LRP1B: variants seen among roughly 807,000 people sequenced by gnomAD.
LRP1B encodes low-density lipoprotein receptor-related protein 1B.
In LRP1B, 217 loss-of-function variants were observed where a neutral mutation model predicts 556.6. That is an observed-to-expected ratio of 0.39 (90% CI 0.35 to 0.44). The LOEUF (loss-of-function observed/expected upper bound fraction) is 0.44. LRP1B is among the 20% of genes least tolerant of loss of function. LRP1B has a pLI of 1.00. For missense variants in LRP1B, 5,053 were observed against 5,620.8 expected, an observed-to-expected ratio of 0.90 and a Z score of 3.23; for synonymous variants, 2,047 against 1,865.8, an observed-to-expected ratio of 1.10 and a Z score of -2.50.
chr2:140,897,925 GTC>G (rs969692431), intron 23 of LRP1B, among the ~76,000 whole-genome samples: 67 of 152,264 alleles, frequency 4.4e-4, no homozygotes, highest in African/African-American at 1.5e-3. Context: ...GATTGTGTGA[GTC>G]TGTTCTCCTA....
intron 2 of LRP1B, among the ~76,000 whole-genome samples, chr2:141,576,916 C>T (rs1453944877): frequency 1.3e-5 from 2 of 151,426 alleles, no homozygotes; most frequent in Middle Eastern, 3.2e-3. Flanking sequence ...TCTCTGCCTC[C>T]CAGAGTGCTG....
chr2:142,037,506 G>A (rs1703920295), intron 1 of LRP1B, among the ~76,000 whole-genome samples: 1 of 151,542 alleles, frequency 6.6e-6, no homozygotes, highest in South Asian at 2.1e-4. Flanking sequence ...ACAAAGCCTG[G>A]AAGAGTAAAA....
intron 2 of LRP1B, among the ~76,000 whole-genome samples, chr2:141,605,062 C>G (rs1687866059): frequency 1.3e-5 from 2 of 151,914 alleles, no homozygotes; most frequent in Non-Finnish European, 2.9e-5. Context: ...ACGTTGCCAG[C>G]CAGAGGTTCC....
At chr2:140,547,201 T>G (rs1680373652) in intron 43 of LRP1B, among the ~76,000 whole-genome samples, 1 of 152,096 alleles carries the variant, frequency 6.6e-6, no homozygotes, top group South Asian at 2.1e-4. Flanking sequence ...TCCTCCTCAA[T>G]TTTTTTGTAC....
intron 68 of LRP1B, among the ~76,000 whole-genome samples, chr2:140,377,786 T>C (rs1463883414): frequency 6.6e-6 from 1 of 152,202 alleles, no homozygotes; most frequent in Non-Finnish European, 1.5e-5. Flanking sequence ...TAAGACTATA[T>C]CTATTGAAGA....
intron 3 of LRP1B, among the ~76,000 whole-genome samples, chr2:141,391,255 C>T (rs1230221118): frequency 1.3e-5 from 2 of 152,060 alleles, no homozygotes; most frequent in African/African-American, 4.8e-5. Flanking sequence ...AGCCTAGTAC[C>T]TTCTACAGTG....
chr2:140,269,333 A>C (rs759646134), intron 86 of LRP1B: 1 of 470,994 alleles, frequency 2.1e-6, no homozygotes, highest in South Asian at 1.5e-5. Context: ...AGTGATCACA[A>C]GGGTTCTCTT....
intron 29 of LRP1B, among the ~76,000 whole-genome samples, chr2:140,849,590 A>G (rs894229515): frequency 1.3e-5 from 2 of 151,816 alleles, no homozygotes; most frequent in Admixed American, 6.6e-5. Flanking sequence ...CCCATGCTGG[A>G]GCACAATGAC....
chr2:141,182,480 T>A (rs1403055383), intron 7 of LRP1B, among the ~76,000 whole-genome samples: 2 of 151,946 alleles, frequency 1.3e-5, no homozygotes, highest in Admixed American at 1.3e-4. Context: ...AGAACCTAGG[T>A]TGTTTCAAAT....
intron 87 of LRP1B, among the ~76,000 whole-genome samples, chr2:140,243,836 G>A (rs1281149082): frequency 6.6e-6 from 1 of 150,952 alleles, no homozygotes; most frequent in Admixed American, 6.6e-5. Context: ...CTTTATTCTT[G>A]TACCTTGAGC....
chr2:140,774,932 T>C (rs1405396465), intron 33 of LRP1B, among the ~76,000 whole-genome samples: 3 of 152,298 alleles, frequency 2.0e-5, no homozygotes, highest in East Asian at 3.9e-4. Context: ...CTCAGGTATA[T>C]GTATGTATAT....
At chr2:140,606,670 C>T (rs1381775659) in intron 41 of LRP1B, among the ~76,000 whole-genome samples, 2 of 151,850 alleles carry the variant, frequency 1.3e-5, no homozygotes, top group Non-Finnish European at 2.9e-5. Context: ...GCTACATGTA[C>T]CAGAAAAGTC....
chr2:141,005,187 T>C (rs1697535342), intron 15 of LRP1B, 148 bp downstream of exon 15: 1 of 871,510 alleles, frequency 1.1e-6, no homozygotes, highest in Non-Finnish European at 1.7e-6. Context: ...ATTAATCAGT[T>C]AATAATTTAT....
At chr2:140,533,215 T>C (rs927589999) in intron 47 of LRP1B, among the ~76,000 whole-genome samples, 1 of 151,258 alleles carries the variant, frequency 6.6e-6, no homozygotes, top group Admixed American at 6.6e-5. Flanking sequence ...TCTTTATCAA[T>C]GCAATATACA....
intron 83 of LRP1B, among the ~76,000 whole-genome samples, chr2:140,312,930 ATAAT>A (rs1408150036): frequency 6.6e-6 from 1 of 151,986 alleles, no homozygotes; most frequent in African/African-American, 2.4e-5. Flanking sequence ...CTTATAAATT[ATAAT>A]TAAGCCTGCC....
At chr2:140,774,492 A>G (rs77532026) in intron 33 of LRP1B, among the ~76,000 whole-genome samples, 2,737 of 152,242 alleles carry the variant, frequency 0.018, 114 homozygotes, top group East Asian at 0.16. Context: ...AACAAAGCAT[A>G]TGTTTGTTCA....
At chr2:140,614,652 G>A (rs1287333444) in intron 41 of LRP1B, among the ~76,000 whole-genome samples, 1 of 152,098 alleles carries the variant, frequency 6.6e-6, no homozygotes, top group Non-Finnish European at 1.5e-5. Context: ...GATGGCTGGA[G>A]AGAAAAATTT....
intron 3 of LRP1B, among the ~76,000 whole-genome samples, chr2:141,276,206 T>C (rs996632906): frequency 6.6e-6 from 1 of 152,254 alleles, no homozygotes; most frequent in African/African-American, 2.4e-5. Context: ...AACCTGTTTG[T>C]GGTTTCACAT....
intron 25 of LRP1B, among the ~76,000 whole-genome samples, chr2:140,874,345 T>C (rs1308261278): frequency 1.3e-5 from 2 of 152,202 alleles, no homozygotes; most frequent in Non-Finnish European, 2.9e-5. Flanking sequence ...CTCTCCCCTT[T>C]TAAAGGGAGC....
Sources: gnomAD v4.1 joint callset for allele counts (sites outside exome capture counted in the v4.1 genomes callset) on GRCh38, gnomAD v4.1.1 for gene constraint, MANE v1.5 for transcripts, NCBI Gene and HGNC (gene_info 2026-07-23, HGNC 2026-07-21) for gene names.